The following SYBU variants were observed in gnomAD, a reference collection of about 807,000 sequenced individuals.
SYBU encodes the protein syntabulin.
Under a neutral mutation model 35.9 loss-of-function variants are expected in SYBU, and 21 were observed. The ratio of observed to expected loss-of-function variants is 0.58; its 90% CI spans 0.41 to 0.84. The LOEUF (loss-of-function observed/expected upper bound fraction) is 0.84. SYBU is among the 40% of genes least tolerant of loss of function. The pLI is 0.00. For synonymous variants in SYBU, 319 were observed against 324.3 expected, an observed-to-expected ratio of 0.98 and a Z score of 0.18; for missense variants, 768 against 848.2, an observed-to-expected ratio of 0.91 and a Z score of 1.17.
intron 3 of SYBU, among the ~76,000 whole-genome samples, chr8:109,595,782 G>C (rs1041996784): frequency 6.6e-6 from 1 of 152,188 alleles, no homozygotes; most frequent in African/African-American, 2.4e-5. Context: ...CAGGGAATGA[G>C]GCAATAAAGG....
In SYBU at chr8:109,576,042, TAAAAAAAAAA is replaced by T. The variant is rs71305959; in HGVS notation, c.885-39_885-30del. On this transcript the variant is annotated intron_variant, in intron 6 of 6. Coordinates refer to ENST00000276646, the MANE Select transcript of SYBU (RefSeq NM_001099754.2). Reference sequence around the variant, plus strand: ...GAGTGCCAAGACAAGCATGGTTAATTAAAAAAAAAAAAAAAAAAAAAAAAAAAACTTTCAA... The same window carrying T: ...GAGTGCCAAGACAAGCATGGTTAATTAAAAAAAAAAAAAAAAAACTTTCAA... The T allele has an allele frequency of 1.2e-4, 102 of 846,602 alleles. No individual in the cohort carries two copies. In the East Asian group the frequency reaches 1.6e-3, roughly 13 times the overall value. The allele number at this position is 846,602 out of a possible 1,614,324, so 52.4% of individuals were successfully genotyped here.
At chr8:109,677,771 A>G (rs1364231782) in intron 1 of SYBU, among the ~76,000 whole-genome samples, 4 of 152,198 alleles carry the variant, frequency 2.6e-5, no homozygotes, top group African/African-American at 4.8e-5. Flanking sequence ...CAAACTTCAG[A>G]CTAAGATGGG....
intron 2 of SYBU, among the ~76,000 whole-genome samples, chr8:109,628,808 T>G (rs1180545133): frequency 6.7e-6 from 1 of 150,284 alleles, no homozygotes; most frequent in African/African-American, 2.5e-5. Flanking sequence ...GGTGACAGAG[T>G]GACATCCGTC....
At chr8:109,607,923 C>T in intron 3 of SYBU, 1 of 1,527,316 alleles carries the variant, frequency 6.5e-7, no homozygotes, top group Non-Finnish European at 8.8e-7. Flanking sequence ...AGAAGGTAAG[C>T]TCCATAGACT....
At chr8:109,687,772 A>G (rs1039879715) in intron 1 of SYBU, among the ~76,000 whole-genome samples, 4 of 152,142 alleles carry the variant, frequency 2.6e-5, no homozygotes, top group African/African-American at 9.7e-5. Flanking sequence ...GTCACATGGT[A>G]TTATTATAGA....
At chr8:109,669,808 C>T (rs1376665976) in intron 1 of SYBU, among the ~76,000 whole-genome samples, 1 of 152,116 alleles carries the variant, frequency 6.6e-6, no homozygotes, top group African/African-American at 2.4e-5. Context: ...TTTGTTCAAG[C>T]GATATTGACA....
intron 3 of SYBU, among the ~76,000 whole-genome samples, chr8:109,616,500 C>T (rs1438000884): frequency 6.6e-6 from 1 of 151,882 alleles, no homozygotes; most frequent in Non-Finnish European, 1.5e-5. Flanking sequence ...AAGGAAGGGC[C>T]ATGATAATAT....
At position 109,575,617 on chromosome 8, in the gene SYBU, C is replaced by A. The variant is rs776007436; in HGVS notation, c.1281G>T (p.Arg427Ser). The A allele has an allele frequency of 1.2e-6, 2 of 1,614,082 alleles. No homozygotes were observed. The highest frequency in any genetic ancestry group is 1.7e-6 in the Non-Finnish European group (2 of 1,180,006). Residue 427 changes from arginine to serine, a missense_variant, in exon 7 of 7, where the codon AGG (arginine) becomes AGT (serine). Arg to Ser is a moderately radical substitution (Grantham distance 110). Coordinates refer to ENST00000276646, the MANE Select transcript of SYBU (RefSeq NM_001099754.2). Reference protein sequence around the residue: ...EEQVTGEGADRELLVGDSIAN... With the variant: ...EEQVTGEGADSELLVGDSIAN... ...CTATGCTATCTCCTACCAGTAGCTC[C>A]CTGTCAGCCCCTTCCCCCGTGACCT...
Position 109,691,495 on chromosome 8 carries a change from C to T in SYBU, c.-220G>A, listed in dbSNP as rs1468774517. The T allele has an allele frequency of 1.9e-6, 1 of 513,762 alleles. No homozygotes were observed. Among genetic ancestry groups the T allele is most frequent in the Non-Finnish European group, 3.4e-6 (1 of 297,702 alleles). 31.8% of individuals were successfully genotyped at this position (513,762 alleles called of 1,614,324 possible). The stretch of plus-strand genomic sequence containing the variant: ...GGAGCCGGGCCCGGCCCGCTCCGCC[C>T]GCCTTAGCCCGGCTTGGACACGTGG... On this transcript the variant is annotated 5_prime_UTR_variant, in exon 1 of 8. Transcript: ENST00000422135. This position sits in a 1 kb window ranked among gnomAD's most constrained non-coding sequence, Gnocchi z 4.7.
At chr8:109,633,858 C>T (rs1335606473) in intron 2 of SYBU, among the ~76,000 whole-genome samples, 1 of 152,082 alleles carries the variant, frequency 6.6e-6, no homozygotes, top group Non-Finnish European at 1.5e-5. Context: ...CTCAGCCTCC[C>T]AAGTAGCTGG....
chr8:109,644,344 C>A (rs1815336504), intron 1 of SYBU: 4 of 603,712 alleles, frequency 6.6e-6, no homozygotes, highest in Non-Finnish European at 6.1e-6. Context: ...ATTCACATCA[C>A]ACACACAGGA....
chr8:109,598,883 C>T (rs1468167777), intron 3 of SYBU, among the ~76,000 whole-genome samples: 1 of 152,144 alleles, frequency 6.6e-6, no homozygotes, highest in Non-Finnish European at 1.5e-5. Flanking sequence ...ATTATTATTC[C>T]TATTTTACAG....
chr8:109,582,414 C>T (rs1451058556), intron 4 of SYBU, among the ~76,000 whole-genome samples: 1 of 152,112 alleles, frequency 6.6e-6, no homozygotes, highest in African/African-American at 2.4e-5. Flanking sequence ...TTGTCATGGC[C>T]ATGAACTGTG....
intron 1 of SYBU, among the ~76,000 whole-genome samples, chr8:109,678,282 A>G (rs1817270257): frequency 6.6e-6 from 1 of 151,828 alleles, no homozygotes; most frequent in Admixed American, 6.6e-5. Context: ...GAAGCATCAC[A>G]TTTGCACCCC....
chr8:109,660,829 C>T (rs1452741159), intron 1 of SYBU, among the ~76,000 whole-genome samples: 2 of 152,144 alleles, frequency 1.3e-5, no homozygotes, highest in Non-Finnish European at 2.9e-5. Context: ...AGGAGGTCCT[C>T]ATTCCACAGT....
intron 1 of SYBU, among the ~76,000 whole-genome samples, chr8:109,674,607 G>A (rs1041697977): frequency 1.3e-5 from 2 of 152,066 alleles, no homozygotes; most frequent in African/African-American, 4.8e-5. Flanking sequence ...CATTGACACT[G>A]TGAAGAAACT....
At chr8:109,673,439 G>A (rs1328215109) in intron 1 of SYBU, among the ~76,000 whole-genome samples, 3 of 152,104 alleles carry the variant, frequency 2.0e-5, no homozygotes, top group South Asian at 2.1e-4. Context: ...TGCAACAGAG[G>A]GGCCTGACTG....
chr8:109,604,333 T>C (rs1309750707), intron 3 of SYBU, among the ~76,000 whole-genome samples: 1 of 152,202 alleles, frequency 6.6e-6, no homozygotes, highest in Non-Finnish European at 1.5e-5. Context: ...AGTATCAATA[T>C]TGCATTACTT....
intron 3 of SYBU, among the ~76,000 whole-genome samples, chr8:109,603,118 T>C (rs1037041154): frequency 1.3e-5 from 2 of 152,224 alleles, no homozygotes; most frequent in African/African-American, 4.8e-5. Flanking sequence ...CTGGGATGCC[T>C]CGCTCCTACT....
Sources: gnomAD v4.1 joint callset for allele counts (sites outside exome capture counted in the v4.1 genomes callset) on GRCh38, gnomAD v4.1.1 for gene constraint, Gnocchi (gnomAD v3.1) non-coding constraint, MANE v1.5 for transcripts, NCBI Gene and HGNC (gene_info 2026-07-23, HGNC 2026-07-21) for gene names.